DCAF1: variants seen among roughly 807,000 people sequenced by gnomAD.
DCAF1 encodes the protein DDB1- and CUL4-associated factor 1.
DCAF1 carries 15 observed loss-of-function variants against 128.0 expected under a neutral mutation model. That is an observed-to-expected ratio of 0.12 (90% CI 0.08 to 0.18). The LOEUF is 0.18. Ranked by LOEUF, DCAF1 falls within the 10% of genes least tolerant of loss-of-function variation. DCAF1 has a pLI of 1.00. For synonymous variants in DCAF1, 610 were observed against 603.0 expected (o/e 1.01, Z -0.17); for missense variants, 988 against 1,649.5 (o/e 0.60, Z 6.95).
chr3:51,408,216 T>C (rs1285241339), intron 23 of DCAF1, among the ~76,000 whole-genome samples: 1 of 152,196 alleles, frequency 6.6e-6, no homozygotes, highest in African/African-American at 2.4e-5. Context: ...TCCAAGCTTA[T>C]TTAAGCATAA....
At chr3:51,474,578 T>C (rs1339127395) in intron 3 of DCAF1, among the ~76,000 whole-genome samples, 2 of 151,902 alleles carry the variant, frequency 1.3e-5, no homozygotes, top group South Asian at 2.1e-4. Flanking sequence ...AAATAATGTA[T>C]GTGTACTTGT....
In DCAF1 at chr3:51,467,326, C is replaced by T. The variant is rs781860755; in HGVS notation, c.188-450G>A. On this transcript the variant is annotated intron_variant, in intron 4 of 24. Transcript: ENST00000684031. ...CAGCCTGGGTGACAGAGGAAGACTCCGTCTCGAAAAAAATAAAAATAAAAA... is the reference window on the plus strand; with the variant it reads ...CAGCCTGGGTGACAGAGGAAGACTCTGTCTCGAAAAAAATAAAAATAAAAA... Among the ~76,000 whole-genome samples, 67 of 151,948 alleles carry T rather than the reference C, an allele frequency of 4.4e-4. No homozygotes were observed. The Middle Eastern group carries it at 0.014, about 31-fold the overall frequency.
At chr3:51,419,664 T>C in intron 15 of DCAF1, 70 bp downstream of exon 15, 1 of 1,528,362 alleles carries the variant, frequency 6.5e-7, no homozygotes, top group Non-Finnish European at 8.8e-7. Flanking sequence ...ACTATGCTGA[T>C]ACTGCCCAGT....
chr3:51,413,358 G>A lies in DCAF1; in HGVS notation c.3960C>T (p.Asp1320=). The change falls in exon 21 of 25, where the codon GAC becomes GAT. Residue 1320 remains aspartate (D), a synonymous_variant. Transcript: ENST00000684031. Reference sequence around the variant, plus strand: ...GGCTTTTCATCCTCTCTTCCATTAAGTCATCTTCATCATCTGCCTGCAACA... The same window carrying A: ...GGCTTTTCATCCTCTCTTCCATTAAATCATCTTCATCATCTGCCTGCAACA... ...GAMLQADDED[D]LMEERMKSPF... 1.9e-6 allele frequency: 3 copies of A among 1,613,346 alleles called. No homozygotes were observed. Among genetic ancestry groups the A allele is most frequent in the Non-Finnish European group, 2.5e-6 (3 of 1,179,632 alleles).
At chr3:51,471,427 C>G (rs527529244) in intron 3 of DCAF1, among the ~76,000 whole-genome samples, 4 of 151,860 alleles carry the variant, frequency 2.6e-5, no homozygotes, top group Non-Finnish European at 5.9e-5. Flanking sequence ...TCGTGATCCA[C>G]CCGCCTCAGC....
chr3:51,434,877 G>A (rs1289915961), intron 9 of DCAF1, among the ~76,000 whole-genome samples: 10 of 152,280 alleles, frequency 6.6e-5, no homozygotes, highest in African/African-American at 2.4e-4. Context: ...TGATGACTCT[G>A]AACCTAGGCC....
chr3:51,418,891 G>A lies in DCAF1; in HGVS notation c.3237-15C>T, dbSNP rs559280019. 321 of 1,589,654 alleles carry A rather than the reference G, an allele frequency of 2.0e-4. No homozygotes were observed. The highest frequency in any genetic ancestry group is 1.1e-3 in the Admixed American group (60 of 54,870). On this transcript the variant is annotated splice_polypyrimidine_tract_variant and intron_variant, in intron 15 of 24. Transcript: ENST00000684031. ...TAGGACGGAATCTAAGCAAAAAAAA[G>A]AGAGAATCACAGGCAAAGAATGTGC...
chr3:51,495,889 G>C (rs911175559), intron 2 of DCAF1, among the ~76,000 whole-genome samples: 1 of 152,114 alleles, frequency 6.6e-6, no homozygotes, highest in Non-Finnish European at 1.5e-5. Flanking sequence ...GCTACCTGGG[G>C]AGGCTGAAGC....
At chr3:51,466,697 C>T in intron 5 of DCAF1, 106 bp downstream of exon 5, 3 of 1,105,318 alleles carry the variant, frequency 2.7e-6, no homozygotes, top group Non-Finnish European at 3.9e-6. Context: ...ACTCTACTCC[C>T]AACTTTGTCA....
Position 51,463,206 on chromosome 3 carries a change from T to A in DCAF1, c.283A>T (p.Thr95Ser), listed in dbSNP as rs1553645269. The change falls in exon 6 of 25, where the codon ACA becomes TCA. Residue 95 changes from threonine to serine, a missense_variant. Physicochemically the swap from Thr to Ser is moderately conservative, Grantham distance 58. Transcript: ENST00000684031. ...MNALVNAYVMTSREPPLNTAA... is the reference protein window; with the variant it reads ...MNALVNAYVMSSREPPLNTAA... ...GTGTTTAAAGGGGGCTCTCGGCTTG[T>A]CATCACATATGCATTCACCAGCTGT... is the stretch of plus-strand genomic sequence containing the variant. 4 of 1,586,010 alleles carry A rather than the reference T, an allele frequency of 2.5e-6. No homozygotes were observed. The South Asian group carries it at 3.5e-5, about 14-fold the overall frequency.
chr3:51,494,263 G>A (rs898036903), intron 2 of DCAF1, among the ~76,000 whole-genome samples: 50 of 151,350 alleles, frequency 3.3e-4, no homozygotes, highest in Admixed American at 2.0e-3. Flanking sequence ...TACAGGCACC[G>A]GCCACCACAC....
intron 1 of DCAF1, among the ~76,000 whole-genome samples, chr3:51,498,132 T>A (rs1430864178): frequency 7.5e-5 from 9 of 119,820 alleles, no homozygotes; most frequent in African/African-American, 2.2e-4. Context: ...GAGGCCGAGG[T>A]GGGCAGATCA....
intron 22 of DCAF1, 86 bp downstream of exon 22, chr3:51,412,907 A>G (rs1254377371): frequency 5.1e-6 from 8 of 1,562,666 alleles, no homozygotes; most frequent in African/African-American, 1.4e-5. Flanking sequence ...TTTACATCTT[A>G]TATCAGACAA....
intron 3 of DCAF1, among the ~76,000 whole-genome samples, chr3:51,482,539 T>C (rs1553653249): frequency 2.6e-5 from 4 of 151,036 alleles, no homozygotes; most frequent in African/African-American, 9.7e-5. Flanking sequence ...CCAAGGCAGG[T>C]GAATCACCTG....
In DCAF1 at chr3:51,420,184, G is replaced by A. The variant is rs1553631972; in HGVS notation, c.2786C>T (p.Ala929Val). Residue 929 changes from alanine to valine, a missense_variant, in exon 15 of 25, where the codon GCT becomes GTT. Coordinates refer to ENST00000684031, the MANE Select transcript of DCAF1 (RefSeq NM_001387579.1). This position sits in a 1 kb window ranked among gnomAD's most constrained non-coding sequence, Gnocchi z 6.5. The part of the protein sequence containing the change: ...VGASAPSAPT[A>V]HPQPRPPQGP... ...CTGGGGGGGCCGTGGCTGAGGATGAGCAGTAGGGGCAGAAGGCGCAGAGGC... is the reference window on the plus strand; with the variant it reads ...CTGGGGGGGCCGTGGCTGAGGATGAACAGTAGGGGCAGAAGGCGCAGAGGC... 1 of 1,614,028 alleles carries A rather than the reference G, an allele frequency of 6.2e-7. No individual in the cohort carries two copies. Among genetic ancestry groups the A allele is most frequent in the East Asian group, 2.2e-5 (1 of 44,884 alleles).
At chr3:51,473,675 G>A (rs1047738360) in intron 3 of DCAF1, among the ~76,000 whole-genome samples, 3 of 151,684 alleles carry the variant, frequency 2.0e-5, no homozygotes, top group African/African-American at 2.4e-5. Context: ...CACCATGCCC[G>A]GCTAACTTCA....
At chr3:51,499,647 A>AAGAACGTGGAGGC (rs1232738949) in intron 1 of DCAF1, among the ~76,000 whole-genome samples, 6 of 151,374 alleles carry the variant, frequency 4.0e-5, no homozygotes, top group Admixed American at 2.6e-4. Flanking sequence ...GGAGTGGAGG[A>AAGAACGTGGAGGC]AGAACGTGGA....
At chr3:51,414,238 C>T (rs1423610557) in intron 19 of DCAF1, among the ~76,000 whole-genome samples, 195 bp from the exon 20 acceptor site, 2 of 152,216 alleles carry the variant, frequency 1.3e-5, no homozygotes, top group Non-Finnish European at 1.5e-5. Context: ...AGGGTATCCT[C>T]ATATACAGGA....
intron 15 of DCAF1, among the ~76,000 whole-genome samples, chr3:51,419,530 G>C (rs1699206452): frequency 6.6e-6 from 1 of 152,004 alleles, no homozygotes; most frequent in Non-Finnish European, 1.5e-5. Context: ...GTTGAGATGA[G>C]AACACAAACG....
Sources: allele counts gnomAD v4.1 joint callset (sites outside exome capture counted in the v4.1 genomes callset), GRCh38; gene constraint gnomAD v4.1.1; non-coding constraint Gnocchi (gnomAD v3.1); transcripts MANE v1.5; gene names NCBI Gene and HGNC (gene_info 2026-07-23, HGNC 2026-07-21).